TSHR: variants seen among roughly 807,000 people sequenced by gnomAD.
TSHR encodes thyroid stimulating hormone receptor.
TSHR carries 51 observed loss-of-function variants against 64.1 expected under a neutral mutation model. That is an observed-to-expected ratio of 0.80 (90% CI 0.64 to 1.01). The LOEUF (loss-of-function observed/expected upper bound fraction) is 1.01. Among genes scored for constraint, TSHR ranks in the 50% least tolerant of loss-of-function variants. The probability of loss-of-function intolerance (pLI) is 0.00; values close to 1 mark genes in which losing one functional copy is unlikely to be tolerated. For synonymous variants in TSHR, 361 were observed against 361.9 expected, an observed-to-expected ratio of 1.00 and a Z score of 0.03; for missense variants, 877 against 942.8, an observed-to-expected ratio of 0.93 and a Z score of 0.91.
rs377688913 is a variant in TSHR at position 81,091,105 on chromosome 14, C to T, written c.429C>T (p.Asp143=). 1.9e-6 allele frequency: 3 copies of T among 1,612,370 alleles called. No homozygotes were observed. Among genetic ancestry groups the T allele is most frequent in the Admixed American group, 1.7e-5 (1 of 60,010 alleles). The part of the protein sequence containing the change: ...IFNTGLKMFP[D]LTKVYSTDIF... ...ACACTGGACTTAAAATGTTCCCTGACCTGACCAAAGTTTATTCCACTGATA... is the reference window on the plus strand; with the variant it reads ...ACACTGGACTTAAAATGTTCCCTGATCTGACCAAAGTTTATTCCACTGATA... The change falls in exon 5 of 10, where the codon GAC becomes GAT. Residue 143 remains aspartate, a synonymous_variant. Coordinates refer to ENST00000298171, the MANE Select transcript of TSHR (RefSeq NM_000369.5).
intron 3 of TSHR, among the ~76,000 whole-genome samples, chr14:81,069,678 T>G (rs1447469234): frequency 6.6e-6 from 1 of 152,108 alleles, no homozygotes; most frequent in Non-Finnish European, 1.5e-5. Flanking sequence ...CAATCCAGGA[T>G]TTTGGTTGAG....
At chr14:80,988,214 G>T (rs1381125363) in intron 1 of TSHR, among the ~76,000 whole-genome samples, 1 of 152,148 alleles carries the variant, frequency 6.6e-6, no homozygotes, top group African/African-American at 2.4e-5. Flanking sequence ...AAGCTATAGA[G>T]AAATACCTGA....
chr14:81,063,533 A>C (rs1886389002), intron 2 of TSHR, among the ~76,000 whole-genome samples: 1 of 152,152 alleles, frequency 6.6e-6, no homozygotes, highest in Non-Finnish European at 1.5e-5. Context: ...AGCATCCTAT[A>C]AGCTAAAAAC....
intron 1 of TSHR, among the ~76,000 whole-genome samples, chr14:81,002,332 C>G (rs1419087260): frequency 6.6e-6 from 1 of 152,078 alleles, no homozygotes; most frequent in Admixed American, 6.6e-5. Flanking sequence ...GTAACCCAAG[C>G]TGAATTCAAA....
intron 5 of TSHR, 55 bp from the exon 6 acceptor site, chr14:81,092,476 T>G: frequency 6.6e-7 from 1 of 1,523,354 alleles, no homozygotes; most frequent in Non-Finnish European, 9.1e-7. Context: ...GCAAGACCCC[T>G]GCTGCAGAAG....
At chr14:81,124,984 C>T (rs548483811) in intron 8 of TSHR, among the ~76,000 whole-genome samples, 241 of 152,294 alleles carry the variant, frequency 1.6e-3, no homozygotes, top group Non-Finnish European at 3.1e-3. Flanking sequence ...GGTCCATTTA[C>T]TCACTTATTC....
rs1365809896 is a variant in TSHR at position 81,145,875 on chromosome 14, T to C, written c.*1522T>C. The C allele has an allele frequency of 4.3e-6, 1 of 232,560 alleles. No homozygotes were observed. Among genetic ancestry groups the C allele is most frequent in the Non-Finnish European group, 8.5e-6 (1 of 117,708 alleles). 14.4% of individuals were successfully genotyped at this position (232,560 alleles called of 1,614,324 possible). On this transcript the variant is annotated 3_prime_UTR_variant, in exon 10 of 10. Coordinates refer to ENST00000298171, the MANE Select transcript of TSHR (RefSeq NM_000369.5). Reference sequence around the variant, plus strand: ...GTCTCCAAGCAGAGATGACATTACTTCTGAATGCTCATAAACCACACCATG... The same window carrying C: ...GTCTCCAAGCAGAGATGACATTACTCCTGAATGCTCATAAACCACACCATG...
intron 1 of TSHR, among the ~76,000 whole-genome samples, chr14:81,011,470 T>C (rs1376300235): frequency 2.0e-5 from 3 of 152,142 alleles, no homozygotes; most frequent in African/African-American, 4.8e-5. Context: ...CACAGTATTC[T>C]TTTAAGTTAT....
At chr14:80,998,941 G>C (rs910514100) in intron 1 of TSHR, among the ~76,000 whole-genome samples, 7 of 152,162 alleles carry the variant, frequency 4.6e-5, no homozygotes, top group African/African-American at 1.7e-4. Context: ...TCTCAGGTTG[G>C]CTGGTTCCAT....
chr14:81,055,569 C>A (rs35937663), intron 1 of TSHR, among the ~76,000 whole-genome samples: 2,656 of 152,300 alleles, frequency 0.017, 32 homozygotes, highest in Non-Finnish European at 0.027. Context: ...GCCACAGGGG[C>A]AGAGCTGTCC....
chr14:80,957,194 G>A (rs1886740236), intron 1 of TSHR, among the ~76,000 whole-genome samples: 1 of 152,022 alleles, frequency 6.6e-6, no homozygotes, highest in Non-Finnish European at 1.5e-5. Context: ...TCTTCACCCA[G>A]CTAATGCCTA....
At chr14:81,008,175 C>CT (rs34516600) in intron 1 of TSHR, among the ~76,000 whole-genome samples, 59 of 128,686 alleles carry the variant, frequency 4.6e-4, no homozygotes, top group African/African-American at 7.0e-4. Flanking sequence ...TTCTTTCTTT[C>CT]TTTTTTTTTT....
rs139892516 is a variant in TSHR at position 81,143,649 on chromosome 14, C to T, written c.1591C>T (p.Arg531Trp). Residue 531 changes from arginine to tryptophan, a missense_variant, in exon 10 of 10, where the codon CGG becomes TGG. Transcript: ENST00000298171. ...CATCACCTTCGCCATGCGCCTGGAC[C>T]GGAAGATCCGCCTCAGGCACGCATG... ...YAITFAMRLDRKIRLRHACAI... is the reference protein window; with the variant it reads ...YAITFAMRLDWKIRLRHACAI... The T allele has an allele frequency of 6.4e-5, 103 of 1,614,162 alleles. No homozygotes were observed. The highest frequency in any genetic ancestry group is 1.3e-4 in the East Asian group (6 of 44,876).
chr14:81,002,674 C>A (rs936372810), intron 1 of TSHR, among the ~76,000 whole-genome samples: 8 of 151,800 alleles, frequency 5.3e-5, no homozygotes, highest in Non-Finnish European at 5.9e-5. Flanking sequence ...AACAGAAAAC[C>A]ATTTGTCATT....
At position 80,973,403 on chromosome 14, in the gene TSHR, C is replaced by CAAAAA. The variant is rs58316010; in HGVS notation, c.170+17575_170+17579dup. ...CCCGGGTGACAGCGAGACGCTGTCT[C>CAAAAA]AAAAAAAAAAAAAAAAAAAAAAAAA... On this transcript the variant is annotated intron_variant, in intron 1 of 9. Transcript: ENST00000298171. Among the ~76,000 whole-genome samples, 460 of 51,430 alleles carry CAAAAA rather than the reference C, an allele frequency of 8.9e-3. 59 individuals carry two copies. Among genetic ancestry groups the CAAAAA allele is most frequent in the African/African-American group, 0.024 (310 of 13,062 alleles). 33.7% of individuals were successfully genotyped at this position (51,430 alleles called of 152,430 possible).
At chr14:81,050,271 G>A (rs1885363440) in intron 1 of TSHR, 1 of 152,178 alleles carries the variant, frequency 6.6e-6, no homozygotes, top group Non-Finnish European at 1.5e-5. Context: ...AGAAAGGAAA[G>A]TTAAATCAGT....
intron 8 of TSHR, among the ~76,000 whole-genome samples, chr14:81,128,485 G>A (rs929120330): frequency 4.6e-5 from 7 of 152,142 alleles, no homozygotes; most frequent in African/African-American, 1.7e-4. Context: ...AACTTTACTT[G>A]ATCATCTTCT....
chr14:81,067,483 T>TTA (rs71103896), intron 2 of TSHR, among the ~76,000 whole-genome samples: 27,810 of 134,676 alleles, frequency 0.21, 3,102 homozygotes, highest in Admixed American at 0.37. Flanking sequence ...GTTTATAGTT[T>TTA]TATATATATA....
At position 81,080,014 on chromosome 14, in the gene TSHR, G is replaced by A. The variant is rs1887786629; in HGVS notation, c.318-7940G>A. ...GTCGCCCAGGCTGGAGTGCAGTGGT[G>A]CAATCTCAGCTCACTGCAACCTCCG... On this transcript the variant is annotated intron_variant, in intron 3 of 9. Transcript: ENST00000298171. 2.0e-5 allele frequency among the ~76,000 whole-genome samples: 3 copies of A among 152,238 alleles called. No individual in the cohort carries two copies. The South Asian group carries it at 6.2e-4, about 32-fold the overall frequency.
Sources: gnomAD v4.1 joint callset for allele counts (sites outside exome capture counted in the v4.1 genomes callset) on GRCh38, gnomAD v4.1.1 for gene constraint, MANE v1.5 for transcripts, NCBI Gene and HGNC (gene_info 2026-07-23, HGNC 2026-07-21) for gene names.